The following FAM114A2 variants were observed in gnomAD, a reference collection of about 807,000 sequenced individuals.
The protein encoded by FAM114A2 is protein FAM114A2.
FAM114A2 carries 53 observed loss-of-function variants against 58.4 expected under a neutral mutation model. That is an observed-to-expected ratio of 0.91 (90% CI 0.73 to 1.14). The LOEUF (loss-of-function observed/expected upper bound fraction) is 1.14, where lower values mean the gene tolerates loss of function less well. FAM114A2 is among the 50% of genes most tolerant of loss of function. The probability of loss-of-function intolerance (pLI) is 0.00; values close to 1 mark genes in which losing one functional copy is unlikely to be tolerated. For synonymous variants in FAM114A2, 228 were observed against 211.4 expected (o/e 1.08, Z -0.68); for missense variants, 601 against 581.1 (o/e 1.03, Z -0.35).
chr5:154,025,499 T>G (rs1472954264), intron 8 of FAM114A2, among the ~76,000 whole-genome samples: 1 of 152,192 alleles, frequency 6.6e-6, no homozygotes, highest in Non-Finnish European at 1.5e-5. Flanking sequence ...TGCAGAGTTC[T>G]GACTCATAGA....
chr5:154,011,482 T>C (rs889127926), intron 8 of FAM114A2, among the ~76,000 whole-genome samples, 162 bp from the exon 9 acceptor site: 1 of 152,192 alleles, frequency 6.6e-6, no homozygotes, highest in African/African-American at 2.4e-5. Flanking sequence ...TTAGTGCTTA[T>C]AGAATCCTTT....
At position 154,010,558 on chromosome 5, in the gene FAM114A2, C is replaced by G. The variant is rs566576678; in HGVS notation, c.993+683G>C. Among the ~76,000 whole-genome samples, 6 of 152,254 alleles carry G rather than the reference C, an allele frequency of 3.9e-5. No homozygotes were observed. In the South Asian group the frequency reaches 1.2e-3, roughly 32 times the overall value. Reference sequence around the variant, plus strand: ...GCCAGGAAACAATGTGCACCTGCAGCTGACTGGTCCTGAAATGCTTCTCAA... The same window carrying G: ...GCCAGGAAACAATGTGCACCTGCAGGTGACTGGTCCTGAAATGCTTCTCAA... On this transcript the variant is annotated intron_variant, in intron 9 of 13. Transcript: ENST00000351797.
Position 153,992,930 on chromosome 5 carries a change from G to C in FAM114A2, c.*46C>G. ...CTGCAGGAGTAGCCAGAATAAGGTG[G>C]CATTCCTTGGCCGTCACAAGTCCCA... is the stretch of plus-strand genomic sequence containing the variant. On this transcript the variant is annotated 3_prime_UTR_variant, in exon 14 of 14. Transcript: ENST00000351797. 6.3e-7 allele frequency: 1 copy of C among 1,574,842 alleles called. No homozygotes were observed. The highest frequency in any genetic ancestry group is 1.1e-5 in the South Asian group (1 of 87,196).
chr5:154,033,149 G>A (rs1450364954), intron 4 of FAM114A2, among the ~76,000 whole-genome samples: 1 of 152,180 alleles, frequency 6.6e-6, no homozygotes, highest in African/African-American at 2.4e-5. Context: ...AGCAGCGAAA[G>A]TCAGTCTGCT....
At chr5:154,019,347 A>G (rs958479558) in intron 8 of FAM114A2, among the ~76,000 whole-genome samples, 2 of 152,214 alleles carry the variant, frequency 1.3e-5, no homozygotes, top group Non-Finnish European at 2.9e-5. Flanking sequence ...GACCCCAACA[A>G]GGAAAACTAC....
chr5:154,027,444 C>A, intron 6 of FAM114A2, 110 bp from the exon 7 acceptor site: 1 of 804,348 alleles, frequency 1.2e-6, no homozygotes, highest in Non-Finnish European at 1.8e-6. Flanking sequence ...GAGGATTGCC[C>A]TTTCATTCTT....
chr5:153,997,569 G>A (rs1056706700), intron 12 of FAM114A2, among the ~76,000 whole-genome samples: 3 of 152,260 alleles, frequency 2.0e-5, no homozygotes, highest in African/African-American at 7.2e-5. Context: ...GCAGATTCAT[G>A]GTGCGTAGGG....
chr5:154,008,421 T>C (rs1034619807), intron 9 of FAM114A2, among the ~76,000 whole-genome samples: 2 of 152,196 alleles, frequency 1.3e-5, no homozygotes, highest in Non-Finnish European at 1.5e-5. Flanking sequence ...GTATCCCTTA[T>C]ATGAAAATCC....
At chr5:154,036,390 A>G (rs1772559860) in intron 1 of FAM114A2, 1 of 152,224 alleles carries the variant, frequency 6.6e-6, no homozygotes, top group African/African-American at 2.4e-5. Context: ...GTGTCTCTAC[A>G]AAGAACAGAC....
intron 4 of FAM114A2, among the ~76,000 whole-genome samples, chr5:154,032,080 T>C (rs1366542066): frequency 6.6e-6 from 1 of 152,226 alleles, no homozygotes; most frequent in Non-Finnish European, 1.5e-5. Flanking sequence ...ACGTAAAATG[T>C]GGATTCAGTG....
chr5:154,024,092 G>A (rs1771621545), intron 8 of FAM114A2, among the ~76,000 whole-genome samples: 1 of 152,084 alleles, frequency 6.6e-6, no homozygotes, highest in Admixed American at 6.6e-5. Context: ...TAACAGTGAA[G>A]TAAAAGATGA....
chr5:154,006,620 A>AT (rs921627865), intron 9 of FAM114A2, among the ~76,000 whole-genome samples: 32 of 152,340 alleles, frequency 2.1e-4, no homozygotes, highest in African/African-American at 7.2e-4. Flanking sequence ...GGAAAGAATC[A>AT]TAACAGTTGA....
At chr5:154,029,192 G>A (rs989943736) in intron 5 of FAM114A2, among the ~76,000 whole-genome samples, 2 of 152,060 alleles carry the variant, frequency 1.3e-5, no homozygotes, top group Non-Finnish European at 2.9e-5. Context: ...ACATTTTTTA[G>A]GGCCACCAAA....
intron 1 of FAM114A2, 80 bp from the exon 2 acceptor site, chr5:154,035,047 T>C (rs1441235442): frequency 2.5e-6 from 2 of 787,138 alleles, no homozygotes; most frequent in African/African-American, 1.8e-5. Context: ...TAGTTTGAGA[T>C]TATCATAGAT....
intron 1 of FAM114A2, among the ~76,000 whole-genome samples, chr5:154,037,656 T>G (rs1236293157): frequency 1.3e-5 from 2 of 152,186 alleles, no homozygotes; most frequent in Non-Finnish European, 2.9e-5. Context: ...ATGTAGAATA[T>G]ATAATATACA....
chr5:153,997,606 T>G (rs1488947690), intron 12 of FAM114A2, among the ~76,000 whole-genome samples, 197 bp downstream of exon 12: 1 of 152,110 alleles, frequency 6.6e-6, no homozygotes, highest in Non-Finnish European at 1.5e-5. Context: ...TGAAAGGGAA[T>G]GGGGATTGTA....
chr5:154,027,932 T>A (rs777763121), intron 6 of FAM114A2, among the ~76,000 whole-genome samples: 2 of 152,164 alleles, frequency 1.3e-5, no homozygotes, highest in Non-Finnish European at 2.9e-5. Context: ...TGCACTGCAC[T>A]GATGGGAGGC....
intron 9 of FAM114A2, among the ~76,000 whole-genome samples, chr5:154,005,666 G>A (rs1458904022): frequency 6.6e-6 from 1 of 152,202 alleles, no homozygotes; most frequent in Non-Finnish European, 1.5e-5. Context: ...TTGAGCTACT[G>A]AATTCCCCTC....
chr5:153,993,073 T>C lies in FAM114A2; in HGVS notation c.1421A>G (p.Gln474Arg). Residue 474 changes from glutamine to arginine, a missense_variant, in exon 14 of 14, where the codon CAG (glutamine) becomes CGG (arginine). Coordinates refer to ENST00000351797, the MANE Select transcript of FAM114A2 (RefSeq NM_018691.4). ...GATCTCTAGCACAGGTAAGAGTAGC[T>C]GAAAGGCGTCCTGGATGTAGGAGGC... ...NSASYIQDAF[Q>R]LLLPVLEISL... 1 of 1,612,876 alleles carries C rather than the reference T, an allele frequency of 6.2e-7. No homozygotes were observed. Among genetic ancestry groups the C allele is most frequent in the Non-Finnish European group, 8.5e-7 (1 of 1,179,130 alleles).
Sources: allele counts gnomAD v4.1 joint callset (sites outside exome capture counted in the v4.1 genomes callset), GRCh38; gene constraint gnomAD v4.1.1; transcripts MANE v1.5; gene names NCBI Gene and HGNC (gene_info 2026-07-23, HGNC 2026-07-21).